PDE4D: variants seen among roughly 807,000 people sequenced by gnomAD.
PDE4D encodes 3',5'-cyclic-AMP phosphodiesterase 4D.
Under a neutral mutation model 87.4 loss-of-function variants are expected in PDE4D, and 24 were observed. The ratio of observed to expected loss-of-function variants is 0.27; its 90% CI spans 0.20 to 0.39. The LOEUF (loss-of-function observed/expected upper bound fraction) is 0.39, where lower values mean the gene tolerates loss of function less well. Ranked by LOEUF, PDE4D falls within the 10% of genes least tolerant of loss-of-function variation. The pLI is 1.00. For missense variants in PDE4D, 714 were observed against 1,041.0 expected (o/e 0.69, Z 4.32); for synonymous variants, 384 against 383.2 (o/e 1.00, Z -0.02).
chr5:59,768,474 T>C (rs1763086109), intron 1 of PDE4D: 11 of 1,598,250 alleles, frequency 6.9e-6, no homozygotes, highest in Non-Finnish European at 9.3e-6. Context: ...CCACTTCAGG[T>C]ACTGTTAAAG....
chr5:58,995,429 C>G (rs1748996675), intron 6 of PDE4D, among the ~76,000 whole-genome samples: 1 of 152,120 alleles, frequency 6.6e-6, no homozygotes, highest in South Asian at 2.1e-4. Context: ...AAAAAATAAA[C>G]TTTGGGCCTT....
chr5:59,468,104 G>A (rs1391675379), intron 1 of PDE4D, among the ~76,000 whole-genome samples: 1 of 152,176 alleles, frequency 6.6e-6, no homozygotes, highest in Admixed American at 6.5e-5. Flanking sequence ...TGGGAATGGT[G>A]AGCCAGCTCA....
At chr5:59,055,855 A>G (rs1369101584) in intron 5 of PDE4D, among the ~76,000 whole-genome samples, 2 of 152,224 alleles carry the variant, frequency 1.3e-5, no homozygotes, top group Non-Finnish European at 2.9e-5. Flanking sequence ...CTCAACAAAT[A>G]CTTGTTGAAC....
At chr5:59,009,925 C>T (rs1752423945) in intron 6 of PDE4D, among the ~76,000 whole-genome samples, 1 of 152,138 alleles carries the variant, frequency 6.6e-6, no homozygotes, top group Admixed American at 6.6e-5. Context: ...ACCATTTTTA[C>T]CCTTTCAAAG....
At chr5:59,171,454 T>C (rs567342450) in intron 5 of PDE4D, among the ~76,000 whole-genome samples, 2 of 152,352 alleles carry the variant, frequency 1.3e-5, no homozygotes, top group African/African-American at 2.4e-5. Flanking sequence ...GTTCCTACGA[T>C]TGGAAATGCT....
intron 1 of PDE4D, among the ~76,000 whole-genome samples, chr5:59,876,977 A>C (rs2152742600): frequency 6.6e-6 from 1 of 152,332 alleles, no homozygotes; most frequent in South Asian, 2.1e-4. Context: ...TTTAGAGCCA[A>C]AAATGCATAC....
intron 1 of PDE4D, among the ~76,000 whole-genome samples, chr5:60,321,428 A>G (rs1756257704): frequency 2.0e-5 from 3 of 152,228 alleles, no homozygotes; most frequent in Non-Finnish European, 4.4e-5. Context: ...GTAAAACCTA[A>G]AACTATACAA....
intron 2 of PDE4D, among the ~76,000 whole-genome samples, chr5:60,066,510 T>A (rs186775080): frequency 5.3e-5 from 8 of 152,096 alleles, no homozygotes; most frequent in African/African-American, 1.7e-4. Flanking sequence ...CAATTTGGGG[T>A]CTAGAATTAC....
At chr5:59,757,644 C>T (rs1761439041) in intron 1 of PDE4D, among the ~76,000 whole-genome samples, 1 of 152,162 alleles carries the variant, frequency 6.6e-6, no homozygotes, top group South Asian at 2.1e-4. Flanking sequence ...TGTTCTGTTG[C>T]TTAGTGACTT....
intron 1 of PDE4D, among the ~76,000 whole-genome samples, chr5:60,459,498 A>G (rs1336372124): frequency 6.6e-6 from 1 of 152,232 alleles, no homozygotes; most frequent in South Asian, 2.1e-4. Context: ...AGATACAGAG[A>G]AAGGAGGGAA....
chr5:59,976,371 G>T (rs1761332878), intron 3 of PDE4D, among the ~76,000 whole-genome samples: 1 of 152,110 alleles, frequency 6.6e-6, no homozygotes. Flanking sequence ...TTGGGTCATG[G>T]GGTCAGAGCC....
intron 5 of PDE4D, among the ~76,000 whole-genome samples, chr5:59,110,064 A>C (rs928526247): frequency 1.7e-4 from 26 of 152,268 alleles, no homozygotes; most frequent in Admixed American, 1.6e-3. Flanking sequence ...GAGCCTTCTG[A>C]TCATATGTAA....
chr5:59,407,907 T>G (rs952015272), intron 1 of PDE4D, among the ~76,000 whole-genome samples: 3 of 152,138 alleles, frequency 2.0e-5, no homozygotes, highest in African/African-American at 7.2e-5. Flanking sequence ...TAACCTAAAC[T>G]TGGAATTTTT....
intron 1 of PDE4D, among the ~76,000 whole-genome samples, chr5:59,844,702 T>C (rs77313433): frequency 0.018 from 2,672 of 152,146 alleles, 85 homozygotes; most frequent in African/African-American, 0.061. Context: ...TCCTATATGA[T>C]CTCCTTCTCT....
At chr5:59,658,037 G>A (rs997684862) in intron 1 of PDE4D, among the ~76,000 whole-genome samples, 8 of 152,112 alleles carry the variant, frequency 5.3e-5, no homozygotes, top group African/African-American at 1.9e-4. Flanking sequence ...AGGGAAAACT[G>A]AAATAATCCT....
intron 2 of PDE4D, among the ~76,000 whole-genome samples, chr5:60,111,644 TTCACTCA>T (rs1487477381): frequency 1.3e-5 from 2 of 151,972 alleles, no homozygotes; most frequent in Non-Finnish European, 2.9e-5. Context: ...TTTTATATAT[TTCACTCA>T]TCTCTTATAG....
chr5:59,763,359 C>A (rs1482764979), intron 1 of PDE4D, among the ~76,000 whole-genome samples: 1 of 151,518 alleles, frequency 6.6e-6, no homozygotes, highest in Non-Finnish European at 1.5e-5. Context: ...AAATCTGAGT[C>A]GTGGATATAT....
chr5:59,758,834 T>C (rs555321097), intron 1 of PDE4D, among the ~76,000 whole-genome samples: 69 of 152,200 alleles, frequency 4.5e-4, no homozygotes, highest in Non-Finnish European at 8.5e-4. Context: ...TAATCTTAAA[T>C]AGACTGTAGT....
chr5:59,910,611 T>C (rs1423682550), intron 3 of PDE4D, among the ~76,000 whole-genome samples: 3 of 152,206 alleles, frequency 2.0e-5, no homozygotes, highest in Non-Finnish European at 2.9e-5. Flanking sequence ...ATAAGCATCA[T>C]TTTGACTGTT....
Sources: gnomAD v4.1 joint callset for allele counts (sites outside exome capture counted in the v4.1 genomes callset) on GRCh38, gnomAD v4.1.1 for gene constraint, MANE v1.5 for transcripts, NCBI Gene and HGNC (gene_info 2026-07-23, HGNC 2026-07-21) for gene names.